The following CADM2 variants were observed in gnomAD, a reference collection of about 807,000 sequenced individuals.
CADM2 encodes immunoglobulin superfamily member 4D.
A neutral mutation model predicts 49.8 loss-of-function variants in CADM2; 12 were observed. The ratio of observed to expected loss-of-function variants is 0.24; its 90% confidence interval spans 0.15 to 0.39. The LOEUF (loss-of-function observed/expected upper bound fraction) is 0.39, where lower values mean the gene tolerates loss of function less well. Ranked by LOEUF, CADM2 falls within the 10% of genes least tolerant of loss-of-function variation. CADM2 has a pLI of 1.00. For synonymous variants in CADM2, 214 were observed against 175.4 expected, an observed-to-expected ratio of 1.22 and a Z score of -1.74; for missense variants, 378 against 492.3, an observed-to-expected ratio of 0.77 and a Z score of 2.20.
Position 85,479,887 on chromosome 3 carries a change from A to G in CADM2, c.62-246635A>G, listed in dbSNP as rs180691294. 1.6e-4 allele frequency among the ~76,000 whole-genome samples: 24 copies of G among 152,096 alleles called. No individual in the cohort carries two copies. In the East Asian group the frequency reaches 4.6e-3, roughly 29 times the overall value. On this transcript the variant is annotated intron_variant, in intron 1 of 9. Transcript: ENST00000383699. ...TCTAGTTGAATTTGGAATGTAAACA[A>G]CAATTAACTATTTGTCTGATTATTT...
intron 8 of CADM2, among the ~76,000 whole-genome samples, chr3:86,007,249 A>G (rs1730912579): frequency 6.6e-6 from 1 of 152,018 alleles, no homozygotes; most frequent in Non-Finnish European, 1.5e-5. Flanking sequence ...GTATGCCTCT[A>G]TTCAAAGCAG....
intron 7 of CADM2, among the ~76,000 whole-genome samples, chr3:85,936,281 C>T (rs1229082880): frequency 1.3e-5 from 2 of 151,680 alleles, no homozygotes; most frequent in African/African-American, 4.8e-5. Flanking sequence ...AAAATCGAAT[C>T]TATATTTCTT....
intron 1 of CADM2, among the ~76,000 whole-genome samples, chr3:85,345,313 CAA>C (rs3085180): frequency 1.5e-4 from 7 of 47,174 alleles, no homozygotes; most frequent in Non-Finnish European, 2.1e-4. Context: ...GTCTCCATCT[CAA>C]AAAAAAAAAA....
chr3:85,047,059 A>G (rs891169900), intron 1 of CADM2, among the ~76,000 whole-genome samples: 2 of 152,186 alleles, frequency 1.3e-5, no homozygotes, highest in African/African-American at 4.8e-5. Flanking sequence ...TGTAATAAGC[A>G]ATATGATAAG....
At chr3:85,611,400 C>T (rs145737465) in intron 1 of CADM2, among the ~76,000 whole-genome samples, 43 of 151,668 alleles carry the variant, frequency 2.8e-4, no homozygotes, top group Non-Finnish European at 4.7e-4. Flanking sequence ...CAGCATATCA[C>T]GAAATTTTCA....
intron 1 of CADM2, among the ~76,000 whole-genome samples, chr3:85,426,796 T>C (rs2036427850): frequency 6.6e-6 from 1 of 152,132 alleles, no homozygotes; most frequent in African/African-American, 2.4e-5. Flanking sequence ...GATCCAGAAC[T>C]ACCTGCTTTA....
intron 1 of CADM2, among the ~76,000 whole-genome samples, chr3:85,174,542 A>T (rs1010167495): frequency 1.3e-5 from 2 of 150,984 alleles, no homozygotes; most frequent in Admixed American, 6.6e-5. Flanking sequence ...ACATATATAT[A>T]TTTTAATTAC....
chr3:85,957,904 G>C (rs1473327680), intron 7 of CADM2, among the ~76,000 whole-genome samples: 1 of 151,810 alleles, frequency 6.6e-6, no homozygotes, highest in Non-Finnish European at 1.5e-5. Context: ...TGATGAAAAC[G>C]CCAAAAGCGA....
At chr3:85,727,997 A>C (rs2067773043) in intron 2 of CADM2, among the ~76,000 whole-genome samples, 1 of 152,164 alleles carries the variant, frequency 6.6e-6, no homozygotes, top group Non-Finnish European at 1.5e-5. Flanking sequence ...TGCAATAGAC[A>C]ATGGAGTGAT....
chr3:85,924,351 A>G (rs934943385), intron 6 of CADM2, among the ~76,000 whole-genome samples: 1 of 152,124 alleles, frequency 6.6e-6, no homozygotes, highest in Non-Finnish European at 1.5e-5. Flanking sequence ...GCACTTTGGG[A>G]GGCCAAGGCA....
chr3:86,050,136 G>T (rs573047726), intron 8 of CADM2, among the ~76,000 whole-genome samples: 31 of 152,308 alleles, frequency 2.0e-4, no homozygotes, highest in African/African-American at 7.5e-4. Flanking sequence ...TACAGGTGTT[G>T]TGTAAATACT....
At chr3:85,151,872 A>C (rs943158876) in intron 1 of CADM2, among the ~76,000 whole-genome samples, 3 of 152,238 alleles carry the variant, frequency 2.0e-5, no homozygotes, top group African/African-American at 7.2e-5. Context: ...ATCATTATAG[A>C]ACTTAAAATT....
chr3:85,021,960 T>C (rs1418117275), intron 1 of CADM2, among the ~76,000 whole-genome samples: 1 of 152,234 alleles, frequency 6.6e-6, no homozygotes, highest in Non-Finnish European at 1.5e-5. Flanking sequence ...TTTTTGAATA[T>C]GGCTCCTCAT....
intron 1 of CADM2, among the ~76,000 whole-genome samples, chr3:85,084,831 C>T (rs2037309284): frequency 6.6e-6 from 1 of 151,838 alleles, no homozygotes; most frequent in Non-Finnish European, 1.5e-5. Flanking sequence ...TATTAGGTTG[C>T]TCTTGATTTT....
chr3:85,486,611 A>G (rs1211514440), intron 1 of CADM2, among the ~76,000 whole-genome samples: 1 of 152,180 alleles, frequency 6.6e-6, no homozygotes, highest in Non-Finnish European at 1.5e-5. Flanking sequence ...AGTTGAATAT[A>G]AAATAACAAA....
rs1193678195 is a variant in CADM2, at chr3:85,481,228, G to GGA, written c.62-245293_62-245292dup. On this transcript the variant is annotated intron_variant, in intron 1 of 9. Transcript: ENST00000383699. ...AGCATATACACAAATTATATATATT[G>GGA]GATATATATATATATATATGTTTTG... 5.7e-4 allele frequency among the ~76,000 whole-genome samples: 29 copies of GGA among 51,164 alleles called. No homozygotes were observed. In the South Asian group the frequency reaches 8.0e-3, roughly 14 times the overall value. The allele number at this position is 51,164 out of a possible 152,430, so 33.6% of individuals were successfully genotyped here.
chr3:85,051,488 A>G (rs2035879890), intron 1 of CADM2, among the ~76,000 whole-genome samples: 1 of 152,208 alleles, frequency 6.6e-6, no homozygotes, highest in South Asian at 2.1e-4. Flanking sequence ...CTCCCAAAGT[A>G]TAGCTAACTG....
chr3:85,401,427 C>A (rs765845057), intron 1 of CADM2, among the ~76,000 whole-genome samples: 4 of 152,094 alleles, frequency 2.6e-5, no homozygotes, highest in Admixed American at 6.6e-5. Flanking sequence ...CACTGTTCTG[C>A]AGATGGCTTG....
At chr3:85,408,596 A>C (rs2035512434) in intron 1 of CADM2, among the ~76,000 whole-genome samples, 1 of 152,196 alleles carries the variant, frequency 6.6e-6, no homozygotes, top group Admixed American at 6.5e-5. Flanking sequence ...CTAGTGTCAA[A>C]AATGTAAACA....
Sources: allele counts gnomAD v4.1 joint callset (sites outside exome capture counted in the v4.1 genomes callset), GRCh38; gene constraint gnomAD v4.1.1; transcripts MANE v1.5; gene names NCBI Gene and HGNC (gene_info 2026-07-23, HGNC 2026-07-21).